The following OGT variants were observed in gnomAD, a reference collection of about 807,000 sequenced individuals.
The protein encoded by OGT is UDP-N-acetylglucosamine--peptide N-acetylglucosaminyltransferase 110 kDa subunit.
A neutral mutation model predicts 75.8 loss-of-function variants in OGT; 3 were observed. The observed-to-expected ratio is 0.04, with a 90% CI of 0.02 to 0.10. The LOEUF (loss-of-function observed/expected upper bound fraction) is 0.10, where lower values mean the gene tolerates loss of function less well. Among genes scored for constraint, OGT ranks in the 10% least tolerant of loss-of-function variants. The probability of loss-of-function intolerance (pLI) is 1.00; values close to 1 mark genes in which losing one functional copy is unlikely to be tolerated. For synonymous variants in OGT, 257 were observed against 289.7 expected (o/e 0.89, Z 1.15); for missense variants, 260 against 824.4 (o/e 0.32, Z 8.38).
chrX:71,553,459 T>C (rs186082667), intron 5 of OGT, among the ~76,000 whole-genome samples: 2 of 111,021 alleles, frequency 1.8e-5, no homozygotes, highest in African/African-American at 6.5e-5. Flanking sequence ...CAAATACCTT[T>C]TCGGTGTGTG....
At chrX:71,536,723 A>G in intron 2 of OGT, 1 of 164,334 alleles carries the variant, frequency 6.1e-6, no homozygotes, top group South Asian at 1.4e-4. Flanking sequence ...ATGGTTATGT[A>G]TGCTGTGGCA....
intron 8 of OGT, among the ~76,000 whole-genome samples, 161 bp downstream of exon 8, chrX:71,556,255 C>T (rs2040342807): frequency 8.9e-6 from 1 of 112,328 alleles, no homozygotes. Context: ...ATGTGAGGCC[C>T]TATGTGACAT....
In OGT at chrX:71,556,592, C is replaced by G. The variant is rs532784285; in HGVS notation, c.1066-88C>G. 190 of 508,386 alleles carry G rather than the reference C, an allele frequency of 3.7e-4. 3 individuals are homozygous for G. In the South Asian group the frequency reaches 9.3e-3, roughly 25 times the overall value. 41.9% of individuals were successfully genotyped at this position (508,386 alleles called of 1,213,427 possible). A position where few individuals can be genotyped will look rare whatever the true frequency, so the allele number is the denominator to read the frequency against. On this transcript the variant is annotated intron_variant, in intron 8 of 21. Coordinates refer to ENST00000373719, the MANE Select transcript of OGT (RefSeq NM_181672.3). ...AGACAAATTTAGGGGTTTAAATGTA[C>G]TTGAGCAAAGTTCTTAAGGTTGTGG...
At chrX:71,570,740 TA>T (rs199632925) in intron 21 of OGT, among the ~76,000 whole-genome samples, 20,051 of 106,331 alleles carry the variant, frequency 0.19, 1,753 homozygotes, top group East Asian at 0.48. Flanking sequence ...ACCCAGGCAT[TA>T]AAAAAAAAAT....
At chrX:71,572,146 T>C (rs145387892) in intron 21 of OGT, among the ~76,000 whole-genome samples, 167 of 111,643 alleles carry the variant, frequency 1.5e-3, no homozygotes, top group African/African-American at 5.2e-3. Flanking sequence ...ATGCTCCTTA[T>C]CAGTCAGTCT....
intron 4 of OGT, chrX:71,547,237 TCTC>T (rs1488444778): frequency 1.3e-6 from 1 of 752,606 alleles, no homozygotes; most frequent in Non-Finnish European, 1.6e-6. Flanking sequence ...AAGACATTTT[TCTC>T]CTCAGTAGCA....
intron 21 of OGT, among the ~76,000 whole-genome samples, chrX:71,572,075 T>C (rs1470443741): frequency 9.0e-6 from 1 of 111,688 alleles, no homozygotes; most frequent in East Asian, 2.8e-4. Context: ...AACCGAGAAA[T>C]ACCTTTGTAA....
At chrX:71,552,281 A>G (rs1456603912) in intron 5 of OGT, among the ~76,000 whole-genome samples, 1 of 111,291 alleles carries the variant, frequency 9.0e-6, no homozygotes, top group Admixed American at 9.6e-5. Context: ...AAATAAACAC[A>G]CAAACTTTTA....
At chrX:71,568,922 C>T (rs903600135) in intron 21 of OGT, among the ~76,000 whole-genome samples, 1 of 111,653 alleles carries the variant, frequency 9.0e-6, no homozygotes, top group East Asian at 2.8e-4. Flanking sequence ...CCATTATTTG[C>T]CTATACAATA....
chrX:71,538,354 T>C (rs2040194823), intron 3 of OGT, among the ~76,000 whole-genome samples: 1 of 112,596 alleles, frequency 8.9e-6, no homozygotes, highest in Non-Finnish European at 1.9e-5. Context: ...GACTTTTTTC[T>C]GTTGTGATTA....
chrX:71,563,805 A>G (rs778076209), intron 18 of OGT, among the ~76,000 whole-genome samples: 2 of 111,859 alleles, frequency 1.8e-5, no homozygotes, highest in Admixed American at 1.9e-4. Flanking sequence ...CTGTAAACCC[A>G]TCCTTTCCCT....
In OGT at chrX:71,569,800, A is replaced by G. The variant is rs1356269164; in HGVS notation, c.2966+1684A>G. ...GCCCAGGCTGGAGTGCAGTGGCGCG[A>G]TCTCGGCTCACTGCAACCTCCACCT... On this transcript the variant is annotated intron_variant, in intron 21 of 21. Coordinates refer to ENST00000373719, the MANE Select transcript of OGT (RefSeq NM_181672.3). Among the ~76,000 whole-genome samples, 7 of 108,522 alleles carry G rather than the reference A, an allele frequency of 6.5e-5. 1 individual carries two copies. The highest frequency in any genetic ancestry group is 1.3e-4 in the Non-Finnish European group (7 of 52,340). The allele number at this position is 108,522 out of a possible 115,157, so 94.2% of individuals were successfully genotyped here.
intron 5 of OGT, among the ~76,000 whole-genome samples, chrX:71,552,085 G>A (rs1456643171): frequency 2.8e-5 from 3 of 108,361 alleles, no homozygotes; most frequent in African/African-American, 1.0e-4. Context: ...GGTGCGGTGC[G>A]GTGGCGTGTG....
chrX:71,534,536 T>G (rs1025930105), intron 1 of OGT, among the ~76,000 whole-genome samples: 2 of 111,056 alleles, frequency 1.8e-5, no homozygotes, highest in Non-Finnish European at 3.8e-5. Context: ...GTGGAGGGTT[T>G]TAGCTACTGT....
At chrX:71,569,378 G>A (rs1473946544) in intron 21 of OGT, among the ~76,000 whole-genome samples, 1 of 112,219 alleles carries the variant, frequency 8.9e-6, no homozygotes, top group Non-Finnish European at 1.9e-5. Flanking sequence ...CTTCACTACG[G>A]TCGGTGTAAG....
At position 71,567,808 on chromosome X, in the gene OGT, G is replaced by T. The variant is rs186398628; in HGVS notation, c.2842+56G>T. ...CTTGTTCCTTTGAAAATCTCCGTTT[G>T]GGGGAGAAACTTCCAGGTGAAATTA... On this transcript the variant is annotated intron_variant, in intron 20 of 21. Transcript: ENST00000373719. The T allele has an allele frequency of 2.8e-5, 32 of 1,132,380 alleles. No homozygotes were observed. In the African/African-American group the frequency reaches 4.9e-4, roughly 17 times the overall value. The allele number at this position is 1,132,380 out of a possible 1,213,427, so 93.3% of individuals were successfully genotyped here. A position where few individuals can be genotyped will look rare whatever the true frequency, so the allele number is the denominator to read the frequency against.
intron 4 of OGT, chrX:71,546,013 A>G (rs1466167925): frequency 1.7e-5 from 4 of 234,422 alleles, no homozygotes; most frequent in Non-Finnish European, 2.4e-5. Flanking sequence ...TAAACAAGAA[A>G]ATACTCTTGA....
intron 14 of OGT, among the ~76,000 whole-genome samples, chrX:71,560,604 G>GTA (rs777991258): frequency 5.0e-4 from 56 of 111,665 alleles, no homozygotes; most frequent in Non-Finnish European, 7.5e-4. Context: ...ATGTGTATGT[G>GTA]TATATATATA....
chrX:71,557,141 C>T (rs939000358), intron 10 of OGT, 36 bp downstream of exon 10: 1 of 1,202,129 alleles, frequency 8.3e-7, no homozygotes, highest in Non-Finnish European at 1.1e-6. Context: ...CAGTTTAACA[C>T]CTAAAATTTA....
Sources: allele counts gnomAD v4.1 joint callset (sites outside exome capture counted in the v4.1 genomes callset), GRCh38; gene constraint gnomAD v4.1.1; transcripts MANE v1.5; gene names NCBI Gene and HGNC (gene_info 2026-07-23, HGNC 2026-07-21).